Variants in AKAP9 observed in about 807,000 individuals in gnomAD.
The protein encoded by AKAP9 is A-kinase anchor protein 9.
A neutral mutation model predicts 488.5 loss-of-function variants in AKAP9; 311 were observed. That is an observed-to-expected ratio of 0.64 (90% CI 0.58 to 0.70). The LOEUF (loss-of-function observed/expected upper bound fraction) is 0.70. AKAP9 is among the 30% of genes least tolerant of loss of function. The pLI is 0.00. For synonymous variants in AKAP9, 1,462 were observed against 1,483.5 expected, an observed-to-expected ratio of 0.99 and a Z score of 0.33; for missense variants, 4,215 against 4,374.5, an observed-to-expected ratio of 0.96 and a Z score of 1.03.
intron 14 of AKAP9, among the ~76,000 whole-genome samples, chr7:92,027,469 G>A (rs1362115367): frequency 2.2e-5 from 3 of 139,426 alleles, no homozygotes; most frequent in Non-Finnish European, 3.1e-5. Context: ...CTGCCCGGCC[G>A]CCCATCGTCT....
In AKAP9 at chr7:91,973,937, TA is replaced by T; in HGVS notation, c.277del (p.Thr93ProfsTer26). On this transcript the variant is annotated frameshift_variant, in exon 2 of 50. Coordinates refer to ENST00000356239, the MANE Select transcript of AKAP9 (RefSeq NM_005751.5). LOFTEE classifies it high-confidence loss of function. ...TIMRTLHSGE[I>X]TSHEQGFSVE... ...ATGAGAACTCTACATAGTGGAGAAATAACCAGTCATGAGCAGGGCTTCTCTG... is the reference window on the plus strand; with the variant it reads ...ATGAGAACTCTACATAGTGGAGAAATACCAGTCATGAGCAGGGCTTCTCTG... 1 of 1,614,050 alleles carries T rather than the reference TA, an allele frequency of 6.2e-7. No individual in the cohort carries two copies. The highest frequency in any genetic ancestry group is 1.1e-5 in the South Asian group (1 of 91,060).
At chr7:92,082,754 A>G in intron 32 of AKAP9, 92 bp downstream of exon 32, 1 of 1,384,074 alleles carries the variant, frequency 7.2e-7, no homozygotes, top group Non-Finnish European at 1.0e-6. Context: ...AATGAGCTCC[A>G]TAACTTAAAA....
chr7:92,035,125 A>G (rs577416148), intron 16 of AKAP9, among the ~76,000 whole-genome samples: 3 of 152,326 alleles, frequency 2.0e-5, no homozygotes, highest in South Asian at 2.1e-4. Context: ...AAGTATAGCA[A>G]TGCTTCCTCG....
chr7:92,102,402 T>A (rs959365604), intron 45 of AKAP9, among the ~76,000 whole-genome samples, 192 bp from the exon 46 acceptor site: 9 of 151,260 alleles, frequency 6.0e-5, no homozygotes, highest in Non-Finnish European at 7.4e-5. Flanking sequence ...AATTTCAACT[T>A]TGCTGATAAA....
chr7:92,002,597 A>C lies in AKAP9; in HGVS notation c.2680A>C (p.Lys894Gln). Residue 894 changes from lysine to glutamine, a missense_variant, in exon 8 of 50, where the codon AAA becomes CAA. Lys to Gln is a moderately conservative substitution (Grantham distance 53). Transcript: ENST00000356239. Reference protein sequence around the residue: ...KQELEYKSKLKALNEELHLQR... With the variant: ...KQELEYKSKLQALNEELHLQR... The stretch of plus-strand genomic sequence containing the variant: ...GGAATTAGAGTATAAAAGTAAACTT[A>C]AAGCACTTAATGAAGAGCTTCATTT... The C allele has an allele frequency of 6.2e-7, 1 of 1,610,664 alleles. No homozygotes were observed. The highest frequency in any genetic ancestry group is 1.1e-5 in the South Asian group (1 of 90,566).
chr7:92,047,317 A>G (rs1012036028), intron 21 of AKAP9, among the ~76,000 whole-genome samples: 1 of 152,090 alleles, frequency 6.6e-6, no homozygotes, highest in Non-Finnish European at 1.5e-5. Context: ...CCTGGGTTCA[A>G]GCCATTCTCC....
intron 28 of AKAP9, among the ~76,000 whole-genome samples, chr7:92,075,534 A>G (rs1408727650): frequency 1.3e-5 from 2 of 152,338 alleles, no homozygotes; most frequent in South Asian, 4.1e-4. Context: ...TAGAAGCAGG[A>G]TAAGTGATAG....
chr7:92,070,665 C>T (rs1811568843), intron 27 of AKAP9, among the ~76,000 whole-genome samples: 1 of 151,882 alleles, frequency 6.6e-6, no homozygotes, highest in Admixed American at 6.6e-5. Flanking sequence ...AAAATCCCAA[C>T]CTCAGGTGAT....
intron 7 of AKAP9, chr7:91,996,094 A>G (rs1032796752): frequency 2.9e-6 from 1 of 348,818 alleles, no homozygotes; most frequent in Non-Finnish European, 5.1e-6. Flanking sequence ...TATTTTAGCC[A>G]TGGTTGTGAA....
intron 28 of AKAP9, among the ~76,000 whole-genome samples, chr7:92,072,951 T>G (rs1159267088): frequency 6.6e-6 from 1 of 152,142 alleles, no homozygotes; most frequent in Non-Finnish European, 1.5e-5. Context: ...GGTCACACCT[T>G]AAGTGGTTGA....
chr7:92,099,141 A>T (rs1400801591), intron 43 of AKAP9, among the ~76,000 whole-genome samples: 1 of 152,162 alleles, frequency 6.6e-6, no homozygotes, highest in African/African-American at 2.4e-5. Context: ...TTATCTGCAC[A>T]TCTAGACAGT....
chr7:91,940,907 C>T lies in AKAP9; in HGVS notation c.-193C>T. 7.8e-6 allele frequency: 5 copies of T among 638,304 alleles called. No individual in the cohort carries two copies. Among genetic ancestry groups the T allele is most frequent in the Admixed American group, 2.6e-5 (1 of 38,436 alleles). 39.5% of individuals were successfully genotyped at this position (638,304 alleles called of 1,614,324 possible). ...ATGGCGGCGGCGGCGGCGGTGACGG[C>T]GCTTCCCGTGCGGCTGAGGACGATC... is the stretch of plus-strand genomic sequence containing the variant. On this transcript the variant is annotated 5_prime_UTR_variant, in exon 1 of 50. Coordinates refer to ENST00000356239, the MANE Select transcript of AKAP9 (RefSeq NM_005751.5).
chr7:91,997,083 GAATGTACA>G (rs1251855839), intron 7 of AKAP9, among the ~76,000 whole-genome samples: 1 of 152,132 alleles, frequency 6.6e-6, no homozygotes, highest in African/African-American at 2.4e-5. Context: ...AAATAATAGG[GAATGTACA>G]AATTGAAGAC....
intron 5 of AKAP9, among the ~76,000 whole-genome samples, chr7:91,993,666 C>A (rs148005219): frequency 1.9e-4 from 29 of 152,304 alleles, no homozygotes; most frequent in Non-Finnish European, 2.2e-4. Context: ...GCATAAACAA[C>A]CCTGTTTAAA....
chr7:92,089,663 T>C (rs1815208042), intron 38 of AKAP9, 134 bp downstream of exon 38: 3 of 1,003,600 alleles, frequency 3.0e-6, no homozygotes, highest in Admixed American at 4.2e-5. Context: ...ATGTTAAGGA[T>C]ACAATCTATA....
At chr7:91,954,980 A>G (rs1792767392) in intron 1 of AKAP9, among the ~76,000 whole-genome samples, 1 of 152,268 alleles carries the variant, frequency 6.6e-6, no homozygotes, top group East Asian at 1.9e-4. Flanking sequence ...GGTTGATTAT[A>G]TAAACTGTAC....
chr7:91,980,391 A>G (rs2033375616), intron 3 of AKAP9, 58 bp downstream of exon 3: 3 of 832,520 alleles, frequency 3.6e-6, no homozygotes, highest in South Asian at 4.8e-5. Context: ...ATTATTATTG[A>G]AATCATTGAT....
intron 1 of AKAP9, among the ~76,000 whole-genome samples, chr7:91,972,869 C>G (rs1795259996): frequency 6.6e-6 from 1 of 152,180 alleles, no homozygotes; most frequent in Non-Finnish European, 1.5e-5. Context: ...CGATTAAGGG[C>G]TGGAAAGCAC....
At position 92,079,759 on chromosome 7, in the gene AKAP9, C is replaced by G; in HGVS notation, c.7626C>G (p.Asn2542Lys). 1 of 1,614,030 alleles carries G rather than the reference C, an allele frequency of 6.2e-7. No individual in the cohort carries two copies. The highest frequency in any genetic ancestry group is 8.5e-7 in the Non-Finnish European group (1 of 1,179,964). ...ETEMLQKKIV[N>K]LQKIVEEKVA... is the part of the protein sequence containing the mutation. ...AAATGCTTCAAAAGAAGATTGTAAA[C>G]CTACAGAAAATAGTTGAAGAAAAAG... is the stretch of plus-strand genomic sequence containing the variant. Residue 2542 changes from asparagine (N) to lysine (K), a missense_variant, in exon 31 of 50, where the codon AAC becomes AAG. Around this residue, in one of 5 missense-constraint regions of AKAP9, gnomAD observed 1,476 missense variants for 1,477.4 expected, o/e 1.00. Transcript: ENST00000356239.
Sources: allele counts gnomAD v4.1 joint callset (sites outside exome capture counted in the v4.1 genomes callset), GRCh38; gene constraint gnomAD v4.1.1; regional missense constraint gnomAD v4.1.1; transcripts MANE v1.5; gene names NCBI Gene and HGNC (gene_info 2026-07-23, HGNC 2026-07-21).